OSBPL3: variants seen among roughly 807,000 people sequenced by gnomAD.
OSBPL3 encodes the protein oxysterol binding protein like 3.
In OSBPL3, 65 loss-of-function variants were observed where a neutral mutation model predicts 120.1. The ratio of observed to expected loss-of-function variants is 0.54; its 90% confidence interval spans 0.44 to 0.67. The LOEUF (loss-of-function observed/expected upper bound fraction) is 0.67, where lower values mean the gene tolerates loss of function less well. Ranked by LOEUF, OSBPL3 falls within the 30% of genes least tolerant of loss-of-function variation. OSBPL3 has a pLI of 0.00. For missense variants in OSBPL3, 1,004 were observed against 1,082.1 expected (o/e 0.93, Z 1.01); for synonymous variants, 416 against 402.6 (o/e 1.03, Z -0.40).
Position 24,972,737 on chromosome 7 carries a change from T to C in OSBPL3, c.-150+7149A>G, listed in dbSNP as rs563846244. ...ATACATACATAAATATACACACACA[T>C]ATATATACATATATGTAGATTAAAA... On this transcript the variant is annotated intron_variant, in intron 1 of 22. Transcript: ENST00000313367. This position sits in a 1 kb window ranked among gnomAD's most constrained non-coding sequence, Gnocchi z 4.3. 2.8e-4 allele frequency among the ~76,000 whole-genome samples: 42 copies of C among 152,136 alleles called. No individual in the cohort carries two copies. Among genetic ancestry groups the C allele is most frequent in the Non-Finnish European group, 5.0e-4 (34 of 68,030 alleles).
At chr7:24,836,739 C>G (rs1472262278) in intron 14 of OSBPL3, among the ~76,000 whole-genome samples, 5 of 152,150 alleles carry the variant, frequency 3.3e-5, no homozygotes, top group Non-Finnish European at 7.4e-5. Context: ...AATAAAGGGG[C>G]TGCTCTGATG....
In OSBPL3 at chr7:24,899,703, TA is replaced by T. The variant is rs1391143985; in HGVS notation, c.-149-7083del. Among the ~76,000 whole-genome samples, 1 of 152,234 alleles carries T rather than the reference TA, an allele frequency of 6.6e-6. No homozygotes were observed. Among genetic ancestry groups the T allele is most frequent in the Non-Finnish European group, 1.5e-5 (1 of 68,040 alleles). On this transcript the variant is annotated intron_variant, in intron 1 of 22. Transcript: ENST00000313367. This position sits in a 1 kb window ranked among gnomAD's most constrained non-coding sequence, Gnocchi z 4.0. ...GCCTGACATTAATTTGTCTGTTAAT[TA>T]GCATTTCTGCATACAAATGCATACA...
chr7:24,951,931 T>A (rs938631482), intron 1 of OSBPL3, among the ~76,000 whole-genome samples: 23 of 152,180 alleles, frequency 1.5e-4, no homozygotes, highest in Admixed American at 2.0e-4. Flanking sequence ...TTCTTTTTTT[T>A]AAAACATAAA....
At chr7:24,860,796 G>T (rs1033188752) in intron 10 of OSBPL3, among the ~76,000 whole-genome samples, 9 of 152,198 alleles carry the variant, frequency 5.9e-5, no homozygotes. Context: ...CCATTGTATG[G>T]ATGTACCACA....
rs1285615755 is a variant in OSBPL3, at chr7:24,933,047, T to C, written c.-149-40426A>G. 6.6e-6 allele frequency among the ~76,000 whole-genome samples: 1 copy of C among 152,156 alleles called. No individual in the cohort carries two copies. The highest frequency in any genetic ancestry group is 2.4e-5 in the African/African-American group (1 of 41,432). Reference sequence around the variant, plus strand: ...GTCTTCACGGTTCACAGGAGGAGAATGGAAGGGCTGCTGCCCAAAATAGTT... The same window carrying C: ...GTCTTCACGGTTCACAGGAGGAGAACGGAAGGGCTGCTGCCCAAAATAGTT... On this transcript the variant is annotated intron_variant, in intron 1 of 22. Coordinates refer to ENST00000313367, the MANE Select transcript of OSBPL3 (RefSeq NM_015550.4). This position sits in a 1 kb window ranked among gnomAD's most constrained non-coding sequence, Gnocchi z 5.1.
chr7:24,927,785 C>T (rs982888087), intron 1 of OSBPL3, among the ~76,000 whole-genome samples: 2 of 152,146 alleles, frequency 1.3e-5, no homozygotes, highest in African/African-American at 4.8e-5. Flanking sequence ...ACCAACTGTG[C>T]TTTGCTGTTC....
chr7:24,944,517 C>T (rs1813480138), intron 1 of OSBPL3, among the ~76,000 whole-genome samples: 1 of 151,890 alleles, frequency 6.6e-6, no homozygotes, highest in Admixed American at 6.6e-5. Context: ...GTAATCCCAG[C>T]TACTCAGGAG....
chr7:24,893,118 C>A (rs934518712), intron 1 of OSBPL3, among the ~76,000 whole-genome samples: 3 of 152,086 alleles, frequency 2.0e-5, no homozygotes, highest in African/African-American at 7.2e-5. Context: ...TAATTCCAAT[C>A]CTAGGTATAG....
At position 24,817,786 on chromosome 7, in the gene OSBPL3, AAAG is replaced by A. The variant is rs776420385; in HGVS notation, c.1949-1101_1949-1099del. Among the ~76,000 whole-genome samples the A allele has an allele frequency of 3.2e-4, 48 of 152,236 alleles. No homozygotes were observed. The highest frequency in any genetic ancestry group is 6.8e-4 in the Non-Finnish European group (46 of 68,040). ...GGAAGTGAGTGAGCCCAGAAATACT[AAAG>A]AAGAAGAAATAGGCACTAGGTCAAC... is the stretch of plus-strand genomic sequence containing the variant. On this transcript the variant is annotated intron_variant, in intron 17 of 22. Transcript: ENST00000313367. The surrounding 1 kb of genome is among the most constrained non-coding windows in gnomAD (Gnocchi z 4.0).
At chr7:24,909,009 A>C (rs1480514228) in intron 1 of OSBPL3, among the ~76,000 whole-genome samples, 1 of 152,188 alleles carries the variant, frequency 6.6e-6, no homozygotes, top group African/African-American at 2.4e-5. Flanking sequence ...ACCTTTCCCC[A>C]AAAAGTAGAG....
In OSBPL3 at chr7:24,821,263, C is replaced by T. The variant is rs1795104601; in HGVS notation, c.1885-1025G>A. Among the ~76,000 whole-genome samples, 1 of 152,158 alleles carries T rather than the reference C, an allele frequency of 6.6e-6. No homozygotes were observed. The highest frequency in any genetic ancestry group is 6.5e-5 in the Admixed American group (1 of 15,276). ...ATAAAGTAACATTTCCCAAGCCACA[C>T]CAATAGTCAGGGAAGAGGTAGCGGT... On this transcript the variant is annotated intron_variant, in intron 16 of 22. Transcript: ENST00000313367. The surrounding 1 kb of genome is among the most constrained non-coding windows in gnomAD (Gnocchi z 5.5).
rs552572168 is a variant in OSBPL3, at chr7:24,930,551, A to G, written c.-149-37930T>C. Among the ~76,000 whole-genome samples, 9 of 152,366 alleles carry G rather than the reference A, an allele frequency of 5.9e-5. No homozygotes were observed. The highest frequency in any genetic ancestry group is 1.9e-4 in the African/African-American group (8 of 41,590). On this transcript the variant is annotated intron_variant, in intron 1 of 22. Transcript: ENST00000313367. This position sits in a 1 kb window ranked among gnomAD's most constrained non-coding sequence, Gnocchi z 4.4. ...GGGACACTGAGTTGCAGCTAAAAAA[A>G]GATCACATATTAAAAATACATATGC... is the stretch of plus-strand genomic sequence containing the variant.
In OSBPL3 at chr7:24,815,739, T is replaced by C. The variant is rs551756880; in HGVS notation, c.2028-536A>G. 6.6e-6 allele frequency among the ~76,000 whole-genome samples: 1 copy of C among 152,358 alleles called. No homozygotes were observed. Among genetic ancestry groups the C allele is most frequent in the East Asian group, 1.9e-4 (1 of 5,192 alleles). On this transcript the variant is annotated intron_variant, in intron 18 of 22. Transcript: ENST00000313367. This position sits in a 1 kb window ranked among gnomAD's most constrained non-coding sequence, Gnocchi z 5.1. Reference sequence around the variant, plus strand: ...GCTAAGTACTATTTTAGGTGTTTCATGTATATTATCTGTTTAATCTTCACA... The same window carrying C: ...GCTAAGTACTATTTTAGGTGTTTCACGTATATTATCTGTTTAATCTTCACA...
rs1802985752 is a variant in OSBPL3 at position 24,877,282 on chromosome 7, A to C, written c.97-5213T>G. ...GAAACAGTGCAGTATGGATGGAGGC[A>C]AGTAAGGTCTTCAACCCTGCTCAGA... On this transcript the variant is annotated intron_variant, in intron 2 of 22. Transcript: ENST00000313367. The surrounding 1 kb of genome is among the most constrained non-coding windows in gnomAD (Gnocchi z 4.8). Among the ~76,000 whole-genome samples the C allele has an allele frequency of 6.6e-6, 1 of 152,204 alleles. No individual in the cohort carries two copies. The highest frequency in any genetic ancestry group is 6.5e-5 in the Admixed American group (1 of 15,276).
At chr7:24,976,979 T>G (rs1817655669) in intron 1 of OSBPL3, among the ~76,000 whole-genome samples, 1 of 152,200 alleles carries the variant, frequency 6.6e-6, no homozygotes, top group African/African-American at 2.4e-5. Context: ...ACCCTCAGTG[T>G]CAGCGTAAGA....
At chr7:24,935,081 G>T (rs1237838575) in intron 1 of OSBPL3, among the ~76,000 whole-genome samples, 7 of 152,054 alleles carry the variant, frequency 4.6e-5, no homozygotes, top group Non-Finnish European at 1.0e-4. Flanking sequence ...TCAATGCATA[G>T]AAAATTTGAT....
Position 24,797,366 on chromosome 7 carries a change from G to A in OSBPL3, c.*2817C>T. On this transcript the variant is annotated 3_prime_UTR_variant, in exon 23 of 23. Coordinates refer to ENST00000313367, the MANE Select transcript of OSBPL3 (RefSeq NM_015550.4). This position sits in a 1 kb window ranked among gnomAD's most constrained non-coding sequence, Gnocchi z 4.8. Reference sequence around the variant, plus strand: ...GTCTCACAGGAAGCACAGGACACCTGTGCGGCTGTTTGGGCATCCTGGGTA... The same window carrying A: ...GTCTCACAGGAAGCACAGGACACCTATGCGGCTGTTTGGGCATCCTGGGTA... 1 of 152,230 alleles carries A rather than the reference G, an allele frequency of 6.6e-6. No individual in the cohort carries two copies. The highest frequency in any genetic ancestry group is 2.4e-5 in the African/African-American group (1 of 41,450). The allele number at this position is 152,230 out of a possible 1,614,324, so 9.4% of individuals were successfully genotyped here.
rs141709851 is a variant in OSBPL3 at position 24,863,593 on chromosome 7, G to T, written c.680C>A (p.Ala227Glu). 5 of 1,610,682 alleles carry T rather than the reference G, an allele frequency of 3.1e-6. No homozygotes were observed. Among genetic ancestry groups the T allele is most frequent in the South Asian group, 2.2e-5 (2 of 91,004 alleles). ...TTCTACCAGGTAGGCATGACAGTGC[G>T]CCAGGTCTGTGGGGGAAAAGAGGAC... ...EDMEKCSKDL[A>E]HCHAYLVEMS... is the part of the protein sequence containing the mutation. Residue 227 changes from alanine (A) to glutamate (E), a missense_variant, in exon 8 of 23, where the codon GCG (alanine) becomes GAG (glutamate). By Grantham distance (107) the Ala-to-Glu change is moderately radical (BLOSUM62 -1). This residue lies in a region of OSBPL3 where 272 missense variants were observed against 248.8 expected (regional missense o/e 1.09). Transcript: ENST00000313367. This position sits in a 1 kb window ranked among gnomAD's most constrained non-coding sequence, Gnocchi z 5.8.
At chr7:24,847,977 T>C (rs190832920) in intron 12 of OSBPL3, among the ~76,000 whole-genome samples, 16 of 152,310 alleles carry the variant, frequency 1.1e-4, no homozygotes, top group Admixed American at 9.8e-4. Context: ...ACTTAACCAC[T>C]AGCATGTGCC....
Sources: gnomAD v4.1 joint callset for allele counts (sites outside exome capture counted in the v4.1 genomes callset) on GRCh38, gnomAD v4.1.1 for gene constraint, gnomAD v4.1.1 regional missense constraint, Gnocchi (gnomAD v3.1) non-coding constraint, MANE v1.5 for transcripts, NCBI Gene and HGNC (gene_info 2026-07-23, HGNC 2026-07-21) for gene names.